AP3B1: variants seen among roughly 807,000 people sequenced by gnomAD.
AP3B1 encodes the protein adaptor related protein complex 3 subunit beta 1, also known as AP-3 complex subunit beta-1.
Under a neutral mutation model 132.5 loss-of-function variants are expected in AP3B1, and 61 were observed. The ratio of observed to expected loss-of-function variants is 0.46; its 90% CI spans 0.37 to 0.57. AP3B1 has a LOEUF of 0.57. Ranked by LOEUF, AP3B1 falls within the 20% of genes least tolerant of loss-of-function variation. The probability of loss-of-function intolerance (pLI) is 0.00; values close to 1 mark genes in which losing one functional copy is unlikely to be tolerated. For missense variants in AP3B1, 1,120 were observed against 1,289.4 expected, an observed-to-expected ratio of 0.87 and a Z score of 2.01; for synonymous variants, 388 against 438.3, an observed-to-expected ratio of 0.89 and a Z score of 1.43.
At chr5:78,237,016 G>T (rs1360789671) in intron 3 of AP3B1, among the ~76,000 whole-genome samples, 1 of 152,098 alleles carries the variant, frequency 6.6e-6, no homozygotes. Context: ...AATCTACAAA[G>T]AAAGTATGGT....
Position 78,089,382 on chromosome 5 carries a change from A to C in AP3B1, c.2577+11T>G. 1 of 1,586,392 alleles carries C rather than the reference A, an allele frequency of 6.3e-7. No individual in the cohort carries two copies. The highest frequency in any genetic ancestry group is 1.1e-5 in the South Asian group (1 of 90,462). ...AGAAAACCGAGCTGGTGGATTTTAA[A>C]AATAACTTACACTGATGACTGAAGA... On this transcript the variant is annotated intron_variant, in intron 22 of 26. Coordinates refer to ENST00000255194, the MANE Select transcript of AP3B1 (RefSeq NM_003664.5).
rs112094716 is a variant in AP3B1, at chr5:78,165,798, G to A, written c.1168-126C>T. On this transcript the variant is annotated intron_variant, in intron 11 of 26. Transcript: ENST00000255194. ...AAAATCACATTGTCAGCCGGGCACA[G>A]TGGCTCATGCCTGTAATCCCAGCAC... 87 of 764,090 alleles carry A rather than the reference G, an allele frequency of 1.1e-4. No individual in the cohort carries two copies. In the Middle Eastern group the frequency reaches 2.2e-3, roughly 19 times the overall value. The allele number at this position is 764,090 out of a possible 1,614,324, so 47.3% of individuals were successfully genotyped here.
chr5:78,248,994 C>T (rs1270106533), intron 2 of AP3B1, among the ~76,000 whole-genome samples: 1 of 152,080 alleles, frequency 6.6e-6, no homozygotes, highest in Non-Finnish European at 1.5e-5. Context: ...CATTTGATTA[C>T]TGTGTTTATG....
At chr5:78,084,429 T>C (rs1580324990) in intron 22 of AP3B1, among the ~76,000 whole-genome samples, 1 of 140,608 alleles carries the variant, frequency 7.1e-6, no homozygotes, top group Admixed American at 7.9e-5. Flanking sequence ...GAGGCTGAGG[T>C]AGAAGGATGG....
intron 13 of AP3B1, among the ~76,000 whole-genome samples, chr5:78,158,409 G>T (rs1743244131): frequency 6.6e-6 from 1 of 151,778 alleles, no homozygotes; most frequent in Non-Finnish European, 1.5e-5. Context: ...AGTGAGCCGT[G>T]ATCACAACAC....
intron 21 of AP3B1, among the ~76,000 whole-genome samples, chr5:78,093,896 A>G (rs1185067221): frequency 1.3e-5 from 2 of 152,252 alleles, no homozygotes; most frequent in African/African-American, 4.8e-5. Flanking sequence ...CCAAGATGTC[A>G]CAACTAGTGA....
intron 15 of AP3B1, among the ~76,000 whole-genome samples, chr5:78,140,012 A>AT (rs887642114): frequency 2.0e-5 from 3 of 152,270 alleles, no homozygotes; most frequent in Middle Eastern, 3.4e-3. Flanking sequence ...AGAAAAATAG[A>AT]TAGGACACAG....
intron 26 of AP3B1, among the ~76,000 whole-genome samples, chr5:78,009,774 G>A (rs1358306659): frequency 1.8e-4 from 27 of 148,074 alleles, no homozygotes; most frequent in Non-Finnish European, 3.8e-4. Context: ...TAAGATATAC[G>A]GGGGGGTGGG....
At chr5:78,167,786 T>C (rs1439978794) in intron 11 of AP3B1, among the ~76,000 whole-genome samples, 2 of 152,080 alleles carry the variant, frequency 1.3e-5, no homozygotes, top group African/African-American at 4.8e-5. Context: ...AAACATCGTA[T>C]GTTCTCACTC....
chr5:78,261,581 T>G, intron 2 of AP3B1, among the ~76,000 whole-genome samples: 1 of 152,288 alleles, frequency 6.6e-6, no homozygotes, highest in African/African-American at 2.4e-5. Context: ...TTCTCCTTCC[T>G]CAGTCTCTCA....
intron 14 of AP3B1, among the ~76,000 whole-genome samples, chr5:78,150,306 G>A (rs1372093671): frequency 2.0e-5 from 3 of 152,136 alleles, no homozygotes; most frequent in Non-Finnish European, 2.9e-5. Flanking sequence ...GAAGCCATGA[G>A]GAGACTATTT....
At chr5:78,121,556 A>G (rs1752196092) in intron 17 of AP3B1, among the ~76,000 whole-genome samples, 1 of 152,256 alleles carries the variant, frequency 6.6e-6, no homozygotes, top group African/African-American at 2.4e-5. Flanking sequence ...ATCAGAGAAC[A>G]CTACAAACAT....
At chr5:78,171,433 C>T (rs1580440035) in intron 11 of AP3B1, among the ~76,000 whole-genome samples, 1 of 152,184 alleles carries the variant, frequency 6.6e-6, no homozygotes, top group East Asian at 1.9e-4. Flanking sequence ...TGTAGTTCTC[C>T]TTGAAGAGGT....
At chr5:78,055,016 GACAC>G (rs3050076) in intron 22 of AP3B1, among the ~76,000 whole-genome samples, 64,387 of 144,350 alleles carry the variant, frequency 0.45, 14,504 homozygotes, top group Non-Finnish European at 0.5. Context: ...CAGACCTACA[GACAC>G]ACACACACAC....
At chr5:78,265,199 G>A (rs1056633781) in intron 2 of AP3B1, among the ~76,000 whole-genome samples, 6 of 152,270 alleles carry the variant, frequency 3.9e-5, no homozygotes, top group African/African-American at 1.4e-4. Flanking sequence ...CACTTTGAAA[G>A]GCTGAGGTGG....
chr5:78,044,485 C>T (rs1287795379), intron 22 of AP3B1, among the ~76,000 whole-genome samples: 1 of 152,094 alleles, frequency 6.6e-6, no homozygotes, highest in African/African-American at 2.4e-5. Context: ...ATGTAGCCAG[C>T]TTTATCTCTG....
intron 22 of AP3B1, among the ~76,000 whole-genome samples, chr5:78,073,780 G>GA (rs1749648878): frequency 6.6e-6 from 1 of 152,118 alleles, no homozygotes; most frequent in Non-Finnish European, 1.5e-5. Context: ...AAAGTGGATA[G>GA]ATGTTCAGTG....
chr5:78,169,901 C>G (rs1217785630), intron 11 of AP3B1, among the ~76,000 whole-genome samples: 2 of 152,096 alleles, frequency 1.3e-5, no homozygotes, highest in Admixed American at 6.5e-5. Context: ...TGTTATCCCT[C>G]CCACAGCCCA....
intron 24 of AP3B1, among the ~76,000 whole-genome samples, chr5:78,033,150 A>G (rs1177691485): frequency 1.3e-5 from 2 of 152,116 alleles, no homozygotes; most frequent in African/African-American, 4.8e-5. Flanking sequence ...TGTCCAAATC[A>G]TTAAAATGAA....
Sources: allele counts gnomAD v4.1 joint callset (sites outside exome capture counted in the v4.1 genomes callset), GRCh38; gene constraint gnomAD v4.1.1; transcripts MANE v1.5; gene names NCBI Gene and HGNC (gene_info 2026-07-23, HGNC 2026-07-21).